VAC14: variants seen among roughly 807,000 people sequenced by gnomAD.
VAC14 encodes the protein protein VAC14 homolog.
A neutral mutation model predicts 85.3 loss-of-function variants in VAC14; 47 were observed. The observed-to-expected ratio is 0.55, with a 90% CI of 0.44 to 0.70. VAC14 has a LOEUF of 0.70. VAC14 is among the 30% of genes least tolerant of loss of function. VAC14 has a pLI of 0.00. For missense variants in VAC14, 861 were observed against 1,004.3 expected (o/e 0.86, Z 1.93); for synonymous variants, 447 against 430.5 (o/e 1.04, Z -0.47).
chr16:70,776,218 A>G (rs933532683), intron 9 of VAC14, among the ~76,000 whole-genome samples: 5 of 152,140 alleles, frequency 3.3e-5, no homozygotes, highest in African/African-American at 1.2e-4. Context: ...CTCCTGCCTC[A>G]GTCTCCCAAG....
At chr16:70,761,553 A>G (rs886279879) in intron 12 of VAC14, among the ~76,000 whole-genome samples, 3 of 152,206 alleles carry the variant, frequency 2.0e-5, no homozygotes, top group Non-Finnish European at 4.4e-5. Flanking sequence ...CCGGTAAAGG[A>G]ACACCACGCA....
At chr16:70,778,573 C>G (rs574781385) in intron 9 of VAC14, 2 of 152,174 alleles carry the variant, frequency 1.3e-5, no homozygotes, top group African/African-American at 4.8e-5. Flanking sequence ...TCTCCATAAC[C>G]CCAAAAAGAA....
intron 12 of VAC14, chr16:70,761,261 G>A (rs1261456303): frequency 2.2e-6 from 1 of 447,688 alleles, no homozygotes; most frequent in Admixed American, 2.4e-5. Flanking sequence ...GGGGACTGGT[G>A]AGCAATAGCC....
Position 70,779,309 on chromosome 16 carries a change from T to C in VAC14, c.1096+1481A>G, listed in dbSNP as rs759379887. ...CAAAAGAAAAGTCCATGAATGGCAA[T>C]GGGAGAATGCTCAGCAATTCTTTTG... On this transcript the variant is annotated intron_variant, in intron 9 of 18. Coordinates refer to ENST00000261776, the MANE Select transcript of VAC14 (RefSeq NM_018052.5). Among the ~76,000 whole-genome samples, 4 of 152,244 alleles carry C rather than the reference T, an allele frequency of 2.6e-5. 1 individual carries two copies. In the East Asian group the frequency reaches 5.8e-4, roughly 22 times the overall value.
At chr16:70,799,075 G>A (rs2034660404) in intron 1 of VAC14, among the ~76,000 whole-genome samples, 2 of 152,152 alleles carry the variant, frequency 1.3e-5, no homozygotes, top group South Asian at 4.1e-4. Flanking sequence ...CACAGGTTGC[G>A]CTGGAAGCAA....
Position 70,688,991 on chromosome 16 carries a change from G to A in VAC14, c.2187-901C>T, listed in dbSNP as rs1016114648. 5.1e-6 allele frequency: 5 copies of A among 985,376 alleles called. No individual in the cohort carries two copies. The African/African-American group carries it at 7.0e-5, about 14-fold the overall frequency. The allele number at this position is 985,376 out of a possible 1,614,324, so 61.0% of individuals were successfully genotyped here. On this transcript the variant is annotated intron_variant, in intron 18 of 18. Coordinates refer to ENST00000261776, the MANE Select transcript of VAC14 (RefSeq NM_018052.5). ...TGGTGGACCTGGGAAGGGGTCTCAG[G>A]AAGACTGTGGGCTGCTCAGCTAAGC...
In VAC14 at chr16:70,785,667, C is replaced by T. The variant is rs769062752; in HGVS notation, c.423+35G>A. ...GGTCAAGTGAGGTGGGGGAACCAAGCGCAGCTCAGTGAGGAGGAGGAGGAG... is the reference window on the plus strand; with the variant it reads ...GGTCAAGTGAGGTGGGGGAACCAAGTGCAGCTCAGTGAGGAGGAGGAGGAG... On this transcript the variant is annotated intron_variant, in intron 3 of 18. Coordinates refer to ENST00000261776, the MANE Select transcript of VAC14 (RefSeq NM_018052.5). The T allele has an allele frequency of 1.9e-4, 297 of 1,527,964 alleles. 1 individual carries two copies. The highest frequency in any genetic ancestry group is 2.5e-4 in the Non-Finnish European group (289 of 1,133,364). 94.7% of individuals were successfully genotyped at this position (1,527,964 alleles called of 1,614,324 possible).
chr16:70,785,856 T>A lies in VAC14; in HGVS notation c.269A>T (p.Tyr90Phe). ...SIALGKDSGL[Y>F]LKELIEPVLT... ...CACTGGCTCGATCAGCTCCTTCAGG[T>A]AGAGCCCTGAGTCCTGCAAGGAGGC... Residue 90 changes from tyrosine to phenylalanine, a missense_variant, in exon 3 of 19, where the codon TAC (tyrosine) becomes TTC (phenylalanine). Tyr to Phe is a conservative substitution (Grantham distance 22). Coordinates refer to ENST00000261776, the MANE Select transcript of VAC14 (RefSeq NM_018052.5). 1 of 1,604,262 alleles carries A rather than the reference T, an allele frequency of 6.2e-7. No homozygotes were observed. The highest frequency in any genetic ancestry group is 8.5e-7 in the Non-Finnish European group (1 of 1,174,992).
chr16:70,700,694 G>A (rs1238184646), intron 14 of VAC14, among the ~76,000 whole-genome samples: 1 of 152,208 alleles, frequency 6.6e-6, no homozygotes, highest in Non-Finnish European at 1.5e-5. Context: ...CCCAGACAGT[G>A]CTTCCTGGCC....
chr16:70,719,471 G>C (rs1283990501), intron 14 of VAC14, among the ~76,000 whole-genome samples: 1 of 152,156 alleles, frequency 6.6e-6, no homozygotes, highest in Non-Finnish European at 1.5e-5. Flanking sequence ...GATAATGACA[G>C]TATATACAAC....
intron 10 of VAC14, chr16:70,769,089 T>C: frequency 4.4e-6 from 1 of 229,274 alleles, no homozygotes; most frequent in Admixed American, 5.3e-5. Flanking sequence ...ATGCTGGGAT[T>C]ATAAGCGTGA....
intron 14 of VAC14, among the ~76,000 whole-genome samples, chr16:70,720,425 A>G (rs1567537339): frequency 1.3e-5 from 2 of 152,206 alleles, no homozygotes. Context: ...AAGAAGACAC[A>G]TCTGGGGTGC....
At chr16:70,698,573 C>A (rs1055810776) in intron 15 of VAC14, 64 bp downstream of exon 15, 1 of 1,594,706 alleles carries the variant, frequency 6.3e-7, no homozygotes. Context: ...GGGGCGGGCT[C>A]ACACAGGGTG....
chr16:70,770,074 G>C (rs957349472), intron 10 of VAC14: 1 of 152,410 alleles, frequency 6.6e-6, no homozygotes, highest in Non-Finnish European at 1.5e-5. Context: ...CCTTTCTCCT[G>C]GGATGCTCAG....
At chr16:70,747,188 C>A (rs2030968112) in intron 12 of VAC14, 1 of 152,068 alleles carries the variant, frequency 6.6e-6, no homozygotes, top group South Asian at 2.1e-4. Flanking sequence ...CGTGGATGAA[C>A]CTTGAAAACA....
At chr16:70,774,739 CCCTTCCTT>C (rs57434926) in intron 9 of VAC14, among the ~76,000 whole-genome samples, 1 of 143,988 alleles carries the variant, frequency 6.9e-6, no homozygotes, top group African/African-American at 2.7e-5. Context: ...CTCCCTCCCT[CCCTTCCTT>C]CCTTGTTTTT....
At chr16:70,774,435 C>T (rs980933843) in intron 9 of VAC14, among the ~76,000 whole-genome samples, 1 of 152,222 alleles carries the variant, frequency 6.6e-6, no homozygotes, top group Admixed American at 6.5e-5. Flanking sequence ...AGCCTCATTA[C>T]TGGTGACGTT....
chr16:70,784,620 T>C (rs1249986275), intron 4 of VAC14, 156 bp downstream of exon 4: 1 of 788,244 alleles, frequency 1.3e-6, no homozygotes, highest in Non-Finnish European at 2.1e-6. Context: ...TTGAGCTCGA[T>C]ATTCTTGTCA....
chr16:70,773,234 A>G (rs944311564), intron 9 of VAC14: 2 of 152,192 alleles, frequency 1.3e-5, no homozygotes, highest in African/African-American at 2.4e-5. Flanking sequence ...CTATCTCAAT[A>G]AAGGGCTTAA....
Sources: allele counts gnomAD v4.1 joint callset (sites outside exome capture counted in the v4.1 genomes callset), GRCh38; gene constraint gnomAD v4.1.1; transcripts MANE v1.5; gene names NCBI Gene and HGNC (gene_info 2026-07-23, HGNC 2026-07-21).